Variants in TMEM126B observed in about 807,000 individuals in gnomAD.
TMEM126B encodes complex I assembly factor TMEM126B, mitochondrial.
TMEM126B carries 19 observed loss-of-function variants against 16.5 expected under a neutral mutation model. That is an observed-to-expected ratio of 1.15 (90% CI 0.80 to 1.69). The LOEUF (loss-of-function observed/expected upper bound fraction) is 1.69. Among genes scored for constraint, TMEM126B ranks in the 40% most tolerant of loss-of-function variants. The probability of loss-of-function intolerance (pLI) is 0.00; values close to 1 mark genes in which losing one functional copy is unlikely to be tolerated. For missense variants in TMEM126B, 293 were observed against 278.7 expected (o/e 1.05, Z -0.37); for synonymous variants, 104 against 93.2 (o/e 1.12, Z -0.67).
intron 2 of TMEM126B, among the ~76,000 whole-genome samples, chr11:85,632,238 T>G (rs1019277012): frequency 6.6e-6 from 1 of 152,174 alleles, no homozygotes; most frequent in Admixed American, 6.5e-5. Flanking sequence ...TAGTCTCACA[T>G]TAACATATTG....
rs770645572 is a variant in TMEM126B at position 85,634,143 on chromosome 11, A to C, written c.261A>C (p.Ile87=). The C allele has an allele frequency of 2.5e-6, 4 of 1,613,704 alleles. No individual in the cohort carries two copies. The highest frequency in any genetic ancestry group is 1.7e-5 in the Admixed American group (1 of 59,996). The change falls in exon 3 of 5, where the codon ATA becomes ATC. Residue 87 remains isoleucine, a synonymous_variant. Transcript: ENST00000358867. ...TFGTTAGFSG[I]FSNFLFRRCF... ...GAACAACAGCTGGTTTCTCTGGAAT[A>C]TTCTCAAACTTCCTGTTCAGACGCT...
At chr11:85,633,481 T>G (rs930549368) in intron 2 of TMEM126B, among the ~76,000 whole-genome samples, 3 of 152,250 alleles carry the variant, frequency 2.0e-5, no homozygotes, top group African/African-American at 7.2e-5. Context: ...CCTGACTTTT[T>G]AATGATTGCC....
rs1330398523 is a variant in TMEM126B, at chr11:85,635,874, A to G, written c.509+96A>G. The G allele has an allele frequency of 1.4e-5, 14 of 996,396 alleles. No homozygotes were observed. The Admixed American group carries it at 1.6e-4, about 11-fold the overall frequency. The allele number at this position is 996,396 out of a possible 1,614,324, so 61.7% of individuals were successfully genotyped here. On this transcript the variant is annotated intron_variant, in intron 4 of 4. Transcript: ENST00000358867. ...AACTCTCTTTCTTCTTTAGCTGTCT[A>G]TGATATATTTGAATCAAAATGTGGT... is the stretch of plus-strand genomic sequence containing the variant.
intron 1 of TMEM126B, among the ~76,000 whole-genome samples, chr11:85,630,025 A>T (rs1053922130): frequency 1.3e-5 from 2 of 152,212 alleles, no homozygotes; most frequent in African/African-American, 4.8e-5. Flanking sequence ...GATGCCAGGA[A>T]CTGTGTATAA....
At chr11:85,632,096 G>C (rs1591451382) in intron 2 of TMEM126B, among the ~76,000 whole-genome samples, 1 of 152,266 alleles carries the variant, frequency 6.6e-6, no homozygotes, top group African/African-American at 2.4e-5. Flanking sequence ...TTAATTAAAA[G>C]TAATTAGGAG....
In TMEM126B at chr11:85,628,701, C is replaced by A; in HGVS notation, c.81+13C>A. 2.6e-6 allele frequency: 4 copies of A among 1,527,236 alleles called. No individual in the cohort carries two copies. Among genetic ancestry groups the A allele is most frequent in the Middle Eastern group, 1.7e-4 (1 of 5,966 alleles). The allele number at this position is 1,527,236 out of a possible 1,614,324, so 94.6% of individuals were successfully genotyped here. The stretch of plus-strand genomic sequence containing the variant: ...GGAAGCGCCCAAGGTAGGCGGAAAT[C>A]CGAAGTGGTATGGGGGGTGATTTCT... On this transcript the variant is annotated intron_variant, in intron 1 of 4. Transcript: ENST00000358867.
chr11:85,631,998 T>C (rs1250653268), intron 2 of TMEM126B, among the ~76,000 whole-genome samples, 190 bp downstream of exon 2: 2 of 152,228 alleles, frequency 1.3e-5, no homozygotes, highest in African/African-American at 4.8e-5. Flanking sequence ...TGGTGGTTTG[T>C]TGGAATATTT....
intron 1 of TMEM126B, 61 bp from the exon 2 acceptor site, chr11:85,631,626 G>A: frequency 6.5e-7 from 1 of 1,541,556 alleles, no homozygotes; most frequent in Non-Finnish European, 8.7e-7. Context: ...GTAGAATTCT[G>A]TAAGGTTTTA....
In TMEM126B at chr11:85,635,366, C is replaced by T. The variant is rs78281755; in HGVS notation, c.398-301C>T. Among the ~76,000 whole-genome samples the T allele has an allele frequency of 2.3e-3, 356 of 152,288 alleles. 1 individual carries two copies. Among genetic ancestry groups the T allele is most frequent in the East Asian group, 0.018 (91 of 5,182 alleles). Reference sequence around the variant, plus strand: ...GGCAGAGGTTGCAGTGAGCCGAGATCGTGCCACTGTACTCTAGCCTGGGCA... The same window carrying T: ...GGCAGAGGTTGCAGTGAGCCGAGATTGTGCCACTGTACTCTAGCCTGGGCA... On this transcript the variant is annotated intron_variant, in intron 3 of 4. Transcript: ENST00000358867.
chr11:85,636,244 G>C lies in TMEM126B; in HGVS notation c.*15G>C. 1 of 1,440,838 alleles carries C rather than the reference G, an allele frequency of 6.9e-7. No homozygotes were observed. Among genetic ancestry groups the C allele is most frequent in the Non-Finnish European group, 9.2e-7 (1 of 1,092,738 alleles). The allele number at this position is 1,440,838 out of a possible 1,614,324, so 89.3% of individuals were successfully genotyped here. On this transcript the variant is annotated 3_prime_UTR_variant, in exon 5 of 5. Transcript: ENST00000358867. The stretch of plus-strand genomic sequence containing the variant: ...ATGAAGAGTAACCAAAAAAATGAAT[G>C]GTTGCTAACTTAGCAAAATGAAGTT...
chr11:85,630,264 G>A (rs1390342331), intron 1 of TMEM126B, among the ~76,000 whole-genome samples: 1 of 152,178 alleles, frequency 6.6e-6, no homozygotes, highest in Admixed American at 6.5e-5. Flanking sequence ...GCATGCTGAA[G>A]GTTGAGAACC....
intron 1 of TMEM126B, chr11:85,631,074 A>C (rs2082287147): frequency 1.7e-6 from 2 of 1,146,426 alleles, no homozygotes; most frequent in Non-Finnish European, 2.3e-6. Flanking sequence ...TTCCTGGAGC[A>C]GTGTCCCTCT....
rs1445700605 is a variant in TMEM126B at position 85,636,193 on chromosome 11, T to C, written c.657T>C (p.Phe219=). ...ILNGLYHYAV[F]EETLEKTIHE... ...ATGGTCTATACCATTATGCAGTATT[T>C]GAAGAGACACTTGAGAAAACTATAC... is the stretch of plus-strand genomic sequence containing the variant. Residue 219 remains phenylalanine (F), a synonymous_variant, in exon 5 of 5, where the codon TTT becomes TTC. Transcript: ENST00000358867. 6.4e-7 allele frequency: 1 copy of C among 1,564,530 alleles called. No individual in the cohort carries two copies. The highest frequency in any genetic ancestry group is 2.0e-5 in the Admixed American group (1 of 48,804).
intron 1 of TMEM126B, 78 bp from the exon 2 acceptor site, chr11:85,631,609 T>C: frequency 6.7e-7 from 1 of 1,490,278 alleles, no homozygotes; most frequent in Non-Finnish European, 9.1e-7. Flanking sequence ...TTTTCAAATC[T>C]GAATCTGTAG....
chr11:85,636,310 T>A lies in TMEM126B; in HGVS notation c.*81T>A. Reference sequence around the variant, plus strand: ...CAGGCATTGCTGAAAGAGTTAAAAGTAACTGTGAACAAATAATTTGTTCTG... The same window carrying A: ...CAGGCATTGCTGAAAGAGTTAAAAGAAACTGTGAACAAATAATTTGTTCTG... On this transcript the variant is annotated 3_prime_UTR_variant, in exon 5 of 5. Transcript: ENST00000358867. 1.9e-6 allele frequency: 2 copies of A among 1,032,610 alleles called. No individual in the cohort carries two copies. The highest frequency in any genetic ancestry group is 2.6e-6 in the Non-Finnish European group (2 of 761,090). 64.0% of individuals were successfully genotyped at this position (1,032,610 alleles called of 1,614,324 possible). A position where few individuals can be genotyped will look rare whatever the true frequency, so the allele number is the denominator to read the frequency against.
At chr11:85,632,233 T>C (rs1311500853) in intron 2 of TMEM126B, among the ~76,000 whole-genome samples, 37 of 152,140 alleles carry the variant, frequency 2.4e-4, no homozygotes. Flanking sequence ...AAATATAGTC[T>C]CACATTAACA....
At chr11:85,633,730 C>A (rs1278943996) in intron 2 of TMEM126B, among the ~76,000 whole-genome samples, 1 of 152,110 alleles carries the variant, frequency 6.6e-6, no homozygotes, top group Non-Finnish European at 1.5e-5. Context: ...CTTTTAGTTG[C>A]AGGAAAGGTA....
chr11:85,631,884 T>C (rs2082307257), intron 2 of TMEM126B, 76 bp downstream of exon 2: 2 of 1,421,222 alleles, frequency 1.4e-6, no homozygotes, highest in Non-Finnish European at 1.9e-6. Context: ...TCTAAGATCC[T>C]ATTCTTTCTT....
At chr11:85,630,591 C>T (rs753615683) in intron 1 of TMEM126B, among the ~76,000 whole-genome samples, 5 of 152,176 alleles carry the variant, frequency 3.3e-5, no homozygotes, top group Non-Finnish European at 7.3e-5. Flanking sequence ...CATTCAGAAA[C>T]GATCCTCTCT....
Sources: allele counts gnomAD v4.1 joint callset (sites outside exome capture counted in the v4.1 genomes callset), GRCh38; gene constraint gnomAD v4.1.1; transcripts MANE v1.5; gene names NCBI Gene and HGNC (gene_info 2026-07-23, HGNC 2026-07-21).